ULK2: variants seen among roughly 807,000 people sequenced by gnomAD.
ULK2 encodes the protein unc-51 like autophagy activating kinase 2.
ULK2 carries 76 observed loss-of-function variants against 127.5 expected under a neutral mutation model. The observed-to-expected ratio is 0.60, with a 90% CI of 0.50 to 0.72. The LOEUF (loss-of-function observed/expected upper bound fraction) is 0.72. Ranked by LOEUF, ULK2 falls within the 30% of genes least tolerant of loss-of-function variation. The pLI, the probability that ULK2 is intolerant of heterozygous loss-of-function variation, is 0.00. For synonymous variants in ULK2, 452 were observed against 461.9 expected, an observed-to-expected ratio of 0.98 and a Z score of 0.28; for missense variants, 1,144 against 1,295.9, an observed-to-expected ratio of 0.88 and a Z score of 1.80.
intron 13 of ULK2, among the ~76,000 whole-genome samples, chr17:19,812,378 A>T (rs1686097785): frequency 6.6e-6 from 1 of 152,222 alleles, no homozygotes; most frequent in Non-Finnish European, 1.5e-5. Context: ...ATGCCCCTCA[A>T]CCTAAGATGG....
intron 9 of ULK2, 129 bp downstream of exon 9, chr17:19,841,360 T>C (rs1246735191): frequency 1.1e-6 from 1 of 903,902 alleles, no homozygotes; most frequent in African/African-American, 1.7e-5. Flanking sequence ...TTCTAATTTG[T>C]TGTAACAAAT....
chr17:19,805,225 T>C (rs1455822344), intron 14 of ULK2, among the ~76,000 whole-genome samples: 1 of 152,192 alleles, frequency 6.6e-6, no homozygotes, highest in Non-Finnish European at 1.5e-5. Context: ...GACTGGAATG[T>C]TTGCAAAAGT....
intron 10 of ULK2, among the ~76,000 whole-genome samples, chr17:19,834,916 A>T (rs2041554001): frequency 6.6e-6 from 1 of 151,844 alleles, no homozygotes; most frequent in Non-Finnish European, 1.5e-5. Flanking sequence ...CTCAGAAAAA[A>T]AAAAAAAAGA....
At chr17:19,842,196 T>C (rs974049225) in intron 8 of ULK2, among the ~76,000 whole-genome samples, 10 of 143,348 alleles carry the variant, frequency 7.0e-5, no homozygotes, top group African/African-American at 1.6e-4. Flanking sequence ...TTTTCTTTTT[T>C]TTTTTTTTTT....
chr17:19,842,190 C>CTTTTTTTTT (rs869294657), intron 8 of ULK2, among the ~76,000 whole-genome samples: 7 of 88,394 alleles, frequency 7.9e-5, no homozygotes, highest in East Asian at 7.9e-4. Context: ...TTTTCTTTTT[C>CTTTTTTTTT]TTTTTTTTTT....
intron 14 of ULK2, among the ~76,000 whole-genome samples, chr17:19,809,913 A>G (rs1294583825): frequency 6.6e-6 from 1 of 151,744 alleles, no homozygotes; most frequent in African/African-American, 2.4e-5. Flanking sequence ...TCAAAGAAAA[A>G]AATAACTAAA....
intron 13 of ULK2, among the ~76,000 whole-genome samples, chr17:19,814,440 T>TATACATATATATA (rs1567696572): frequency 2.8e-4 from 2 of 7,076 alleles, no homozygotes; most frequent in African/African-American, 7.5e-4. Flanking sequence ...ATATATATAT[T>TATACATATATATA]TTTTTTTTTT....
intron 10 of ULK2, 147 bp downstream of exon 10, chr17:19,838,354 C>G: frequency 1.5e-6 from 1 of 670,020 alleles, no homozygotes; most frequent in Admixed American, 3.0e-5. Flanking sequence ...AATAAGCACT[C>G]AATAAATATT....
intron 14 of ULK2, among the ~76,000 whole-genome samples, chr17:19,809,758 A>T (rs1352211377): frequency 7.8e-6 from 1 of 128,320 alleles, no homozygotes; most frequent in Non-Finnish European, 1.7e-5. Flanking sequence ...AAAAAAAATT[A>T]GCCAGGTATG....
rs205109 is a variant in ULK2 at position 19,773,024 on chromosome 17, G to T, written c.*3325C>A. 0.84 allele frequency: 127,410 copies of T among 151,380 alleles called. 55,197 individuals carry two copies. The highest frequency in any genetic ancestry group is 0.95 in the Non-Finnish European group (64,768 of 67,914). The allele number at this position is 151,380 out of a possible 1,614,324, so 9.4% of individuals were successfully genotyped here. On this transcript the variant is annotated 3_prime_UTR_variant, in exon 27 of 27. Coordinates refer to ENST00000395544, the MANE Select transcript of ULK2 (RefSeq NM_014683.4). ...AACATTAAGGATTTTGGCCGGGCAC[G>T]GTGGCTCATGCCTGTAATCCCAGCA...
chr17:19,786,293 GA>G (rs2152382919), intron 20 of ULK2, among the ~76,000 whole-genome samples: 1 of 151,928 alleles, frequency 6.6e-6, no homozygotes, highest in African/African-American at 2.4e-5. Flanking sequence ...TCTCAAGTGT[GA>G]ATCTTCTTCA....
intron 3 of ULK2, among the ~76,000 whole-genome samples, chr17:19,860,384 C>T (rs755995059): frequency 6.6e-6 from 1 of 152,200 alleles, no homozygotes; most frequent in Non-Finnish European, 1.5e-5. Flanking sequence ...ATGACATTCA[C>T]TTCAAGTTGA....
At chr17:19,832,817 G>A (rs2041492881) in intron 10 of ULK2, among the ~76,000 whole-genome samples, 1 of 152,116 alleles carries the variant, frequency 6.6e-6, no homozygotes, top group Non-Finnish European at 1.5e-5. Flanking sequence ...GTCCACGCAA[G>A]TTACTAAACA....
chr17:19,828,550 T>C (rs1278056349), intron 10 of ULK2, among the ~76,000 whole-genome samples: 2 of 152,196 alleles, frequency 1.3e-5, no homozygotes, highest in African/African-American at 2.4e-5. Flanking sequence ...TTAGATGTTA[T>C]ATGTAATCCG....
chr17:19,836,204 T>G (rs1294701456), intron 10 of ULK2, among the ~76,000 whole-genome samples: 2 of 142,368 alleles, frequency 1.4e-5, no homozygotes, highest in Non-Finnish European at 3.0e-5. Flanking sequence ...AGGTCAGGAG[T>G]TCAAGATCAG....
At chr17:19,867,000 A>C (rs995533869) in intron 1 of ULK2, among the ~76,000 whole-genome samples, 1 of 152,134 alleles carries the variant, frequency 6.6e-6, no homozygotes, top group Non-Finnish European at 1.5e-5. Flanking sequence ...TTCACGCCCA[A>C]CCCTCGAGTC....
chr17:19,849,981 G>A (rs1206824921), intron 3 of ULK2, among the ~76,000 whole-genome samples: 1 of 152,118 alleles, frequency 6.6e-6, no homozygotes, highest in African/African-American at 2.4e-5. Context: ...TAACACTAAT[G>A]TAGTCATCAA....
intron 9 of ULK2, among the ~76,000 whole-genome samples, chr17:19,839,964 TACAC>T (rs60058833): frequency 0.057 from 8,369 of 147,652 alleles, 312 homozygotes; most frequent in African/African-American, 0.11. Context: ...TACACACACA[TACAC>T]ACACACACAC....
At chr17:19,784,101 A>G in intron 21 of ULK2, 196 bp from the exon 22 acceptor site, 1 of 417,000 alleles carries the variant, frequency 2.4e-6, no homozygotes, top group Non-Finnish European at 4.1e-6. Context: ...CCTTGTCTAT[A>G]TATTTTATAT....
Sources: gnomAD v4.1 joint callset for allele counts (sites outside exome capture counted in the v4.1 genomes callset) on GRCh38, gnomAD v4.1.1 for gene constraint, MANE v1.5 for transcripts, NCBI Gene and HGNC (gene_info 2026-07-23, HGNC 2026-07-21) for gene names.